The following PDE8B variants were observed in gnomAD, a reference collection of about 807,000 sequenced individuals.
The protein encoded by PDE8B is high affinity cAMP-specific and IBMX-insensitive 3',5'-cyclic phosphodiesterase 8B.
A neutral mutation model predicts 101.3 loss-of-function variants in PDE8B; 26 were observed. The observed-to-expected ratio is 0.26, with a 90% CI of 0.19 to 0.36. The LOEUF is 0.36. PDE8B is among the 10% of genes least tolerant of loss of function. PDE8B has a pLI of 1.00. For missense variants in PDE8B, 810 were observed against 1,163.1 expected (o/e 0.70, Z 4.42); for synonymous variants, 424 against 429.3 (o/e 0.99, Z 0.15).
chr5:77,362,728 C>T (rs552023339), intron 10 of PDE8B, among the ~76,000 whole-genome samples: 2 of 152,336 alleles, frequency 1.3e-5, no homozygotes, highest in South Asian at 2.1e-4. Flanking sequence ...TCACACTAGG[C>T]TGTTTGTAGT....
At chr5:77,122,827 G>A in the PDE8B span, among the ~76,000 whole-genome samples, 5 of 152,158 alleles carry the variant, frequency 3.3e-5, no homozygotes, top group South Asian at 1.0e-3. Context: ...TAAACAAAAT[G>A]TAGGAAAAAA....
intron 1 of PDE8B, among the ~76,000 whole-genome samples, chr5:77,254,856 GTGTAT>G (rs935835672): frequency 1.3e-5 from 2 of 152,166 alleles, no homozygotes; most frequent in Non-Finnish European, 2.9e-5. Context: ...TTCTTCATTT[GTGTAT>G]GCTCTCTGTA....
At chr5:77,367,635 A>T (rs1191045077) in intron 10 of PDE8B, among the ~76,000 whole-genome samples, 1 of 147,954 alleles carries the variant, frequency 6.8e-6, no homozygotes, top group Non-Finnish European at 1.5e-5. Context: ...GGTTCAAGCG[A>T]TTCTCCTGCC....
chr5:77,140,209 T>C, the PDE8B span: 2 of 152,236 alleles, frequency 1.3e-5, no homozygotes, highest in African/African-American at 4.8e-5. Context: ...GCTTCAAGTT[T>C]TTCTGTATGA....
At chr5:77,276,965 G>A (rs1352194135) in intron 1 of PDE8B, among the ~76,000 whole-genome samples, 1 of 151,960 alleles carries the variant, frequency 6.6e-6, no homozygotes, top group Non-Finnish European at 1.5e-5. Flanking sequence ...GCCCCTTCCT[G>A]CCTCTAGACA....
At chr5:77,113,528 G>A in the PDE8B span, 4 of 152,264 alleles carry the variant, frequency 2.6e-5, no homozygotes, top group Admixed American at 6.5e-5. Context: ...ATGGATTAAC[G>A]ACTTAATGTA....
chr5:77,277,881 A>G (rs1764158181), intron 1 of PDE8B, among the ~76,000 whole-genome samples: 1 of 152,236 alleles, frequency 6.6e-6, no homozygotes, highest in African/African-American at 2.4e-5. Flanking sequence ...CTGGAAATAC[A>G]TTTCACAGTT....
intron 1 of PDE8B, among the ~76,000 whole-genome samples, chr5:77,216,977 G>A (rs1354910210): frequency 6.6e-6 from 1 of 152,178 alleles, no homozygotes; most frequent in Non-Finnish European, 1.5e-5. Flanking sequence ...AACTAAAATT[G>A]TGATGGGCAG....
At chr5:77,424,633 G>A (rs553219343) in intron 20 of PDE8B, among the ~76,000 whole-genome samples, 4 of 152,176 alleles carry the variant, frequency 2.6e-5, no homozygotes, top group Non-Finnish European at 5.9e-5. Flanking sequence ...AAGTGCATAA[G>A]TGCTTTCCAC....
At chr5:77,109,265 A>G in the PDE8B span, among the ~76,000 whole-genome samples, 1 of 152,190 alleles carries the variant, frequency 6.6e-6, no homozygotes, top group East Asian at 1.9e-4. Flanking sequence ...CTGAAATTCA[A>G]TGAGTCTGTT....
chr5:77,381,735 C>T (rs1193402132), intron 10 of PDE8B, among the ~76,000 whole-genome samples: 7 of 151,886 alleles, frequency 4.6e-5, no homozygotes, highest in Non-Finnish European at 5.9e-5. Context: ...AATTTAAATT[C>T]TATAATTTAA....
chr5:77,189,645 G>A, the PDE8B span, among the ~76,000 whole-genome samples: 4 of 152,202 alleles, frequency 2.6e-5, no homozygotes, highest in African/African-American at 9.7e-5. Context: ...CATGCCCATG[G>A]TGCAGCAAGG....
At chr5:77,125,866 A>T in the PDE8B span, among the ~76,000 whole-genome samples, 3 of 152,326 alleles carry the variant, frequency 2.0e-5, no homozygotes, top group South Asian at 6.2e-4. Flanking sequence ...GATAAAAAAA[A>T]TTCTGGAGAT....
chr5:77,350,181 C>T (rs751092055), intron 8 of PDE8B, among the ~76,000 whole-genome samples: 3 of 152,194 alleles, frequency 2.0e-5, no homozygotes, highest in African/African-American at 4.8e-5. Flanking sequence ...TCTTCACATA[C>T]AATTTCTTTC....
chr5:77,128,533 G>A, the PDE8B span, among the ~76,000 whole-genome samples: 1 of 152,176 alleles, frequency 6.6e-6, no homozygotes, highest in South Asian at 2.1e-4. Context: ...TGTCAGACAA[G>A]CCTTGGAGCA....
chr5:77,302,233 C>T (rs532673642), intron 1 of PDE8B, among the ~76,000 whole-genome samples: 8 of 152,204 alleles, frequency 5.3e-5, no homozygotes, highest in Non-Finnish European at 1.2e-4. Flanking sequence ...GTTAGCAAGA[C>T]GATGGCCTCT....
chr5:77,252,922 G>C (rs538803454), intron 1 of PDE8B, among the ~76,000 whole-genome samples: 1 of 152,024 alleles, frequency 6.6e-6, no homozygotes, highest in African/African-American at 2.4e-5. Context: ...CTTTTTTTAC[G>C]AAGTCTAATC....
chr5:77,325,397 TG>T, intron 2 of PDE8B, 141 bp from the exon 3 acceptor site: 5 of 763,592 alleles, frequency 6.5e-6, no homozygotes, highest in Middle Eastern at 2.8e-4. Flanking sequence ...CTTGAACACC[TG>T]GGCTTAAGTA....
chr5:77,272,932 T>C (rs1763088368), intron 1 of PDE8B, among the ~76,000 whole-genome samples: 1 of 152,198 alleles, frequency 6.6e-6, no homozygotes. Context: ...GAGAAAGTGA[T>C]GTTTTGATAT....
Sources: gnomAD v4.1 joint callset for allele counts (sites outside exome capture counted in the v4.1 genomes callset) on GRCh38, gnomAD v4.1.1 for gene constraint, MANE v1.5 for transcripts, NCBI Gene and HGNC (gene_info 2026-07-23, HGNC 2026-07-21) for gene names.